The following SUGCT variants were observed in gnomAD, a reference collection of about 807,000 sequenced individuals.
The protein encoded by SUGCT is succinyl-CoA:glutarate CoA-transferase.
A neutral mutation model predicts 55.0 loss-of-function variants in SUGCT; 41 were observed. That is an observed-to-expected ratio of 0.74 (90% CI 0.58 to 0.97). The LOEUF (loss-of-function observed/expected upper bound fraction) is 0.97. SUGCT is among the 50% of genes least tolerant of loss of function. The pLI, the probability that SUGCT is intolerant of heterozygous loss-of-function variation, is 0.00. For missense variants in SUGCT, 568 were observed against 547.8 expected (o/e 1.04, Z -0.37); for synonymous variants, 187 against 200.4 (o/e 0.93, Z 0.56).
At chr7:40,950,998 CT>C in the SUGCT span, among the ~76,000 whole-genome samples, 1 of 152,192 alleles carries the variant, frequency 6.6e-6, no homozygotes, top group African/African-American at 2.4e-5. Context: ...AGGATTCCCT[CT>C]TTTCCTACTG....
intron 13 of SUGCT, among the ~76,000 whole-genome samples, chr7:40,847,586 T>G (rs1209264385): frequency 6.6e-6 from 1 of 151,898 alleles, no homozygotes; most frequent in Non-Finnish European, 1.5e-5. Flanking sequence ...CTGGCTAATT[T>G]TTGTATTTTT....
the SUGCT span, among the ~76,000 whole-genome samples, chr7:40,971,521 G>A: frequency 6.6e-6 from 1 of 152,186 alleles, no homozygotes. Context: ...GATTTAAAAG[G>A]GGTTTATGCA....
the SUGCT span, among the ~76,000 whole-genome samples, chr7:41,029,922 G>A: frequency 6.6e-6 from 1 of 151,904 alleles, no homozygotes; most frequent in Non-Finnish European, 1.5e-5. Context: ...CTCATCTCTC[G>A]CCTCCCCAAC....
At chr7:40,839,864 G>A (rs1482717881) in intron 13 of SUGCT, among the ~76,000 whole-genome samples, 1 of 152,070 alleles carries the variant, frequency 6.6e-6, no homozygotes, top group Non-Finnish European at 1.5e-5. Context: ...CCAGACCAGT[G>A]ATGTGCCAGT....
chr7:40,564,036 T>C (rs1484192796), intron 12 of SUGCT, among the ~76,000 whole-genome samples: 1 of 152,188 alleles, frequency 6.6e-6, no homozygotes, highest in South Asian at 2.1e-4. Context: ...AAACGTTTCT[T>C]ATCTTTGGGT....
chr7:40,874,265 T>C, the SUGCT span, among the ~76,000 whole-genome samples: 1 of 152,170 alleles, frequency 6.6e-6, no homozygotes, highest in Non-Finnish European at 1.5e-5. Context: ...CTATACCTTG[T>C]GAAGATGGCC....
intron 9 of SUGCT, among the ~76,000 whole-genome samples, chr7:40,323,471 C>T (rs1322522730): frequency 6.6e-6 from 1 of 152,124 alleles, no homozygotes; most frequent in Non-Finnish European, 1.5e-5. Flanking sequence ...GATCATAGCA[C>T]ATTGCAGCCT....
intron 11 of SUGCT, among the ~76,000 whole-genome samples, chr7:40,479,271 C>G (rs1209767429): frequency 6.6e-6 from 1 of 152,102 alleles, no homozygotes; most frequent in Non-Finnish European, 1.5e-5. Context: ...GTGTTTCAAT[C>G]AATGACAGTC....
At chr7:40,376,386 C>CT (rs547056360) in intron 9 of SUGCT, among the ~76,000 whole-genome samples, 39 of 147,492 alleles carry the variant, frequency 2.6e-4, no homozygotes, top group South Asian at 8.6e-4. Context: ...TCTAATGTAT[C>CT]TTTTTTTTTT....
intron 13 of SUGCT, among the ~76,000 whole-genome samples, chr7:40,853,076 CAAA>C (rs60985337): frequency 3.2e-5 from 3 of 95,180 alleles, no homozygotes; most frequent in Non-Finnish European, 2.2e-5. Context: ...CACAACACTT[CAAA>C]AAAAAAAAAA....
chr7:40,801,066 C>A (rs1563013033), intron 13 of SUGCT, among the ~76,000 whole-genome samples: 1 of 152,124 alleles, frequency 6.6e-6, no homozygotes, highest in Non-Finnish European at 1.5e-5. Flanking sequence ...TAATGTGAAC[C>A]AGATCAACTT....
chr7:40,334,515 T>C (rs1308331539), intron 9 of SUGCT, among the ~76,000 whole-genome samples: 2 of 152,234 alleles, frequency 1.3e-5, no homozygotes, highest in Non-Finnish European at 2.9e-5. Flanking sequence ...ATGCTGAGCA[T>C]TTTTTCATGT....
the SUGCT span, among the ~76,000 whole-genome samples, chr7:40,903,571 T>C: frequency 6.6e-6 from 1 of 152,100 alleles, no homozygotes; most frequent in South Asian, 2.1e-4. Flanking sequence ...AGGCCTGCCT[T>C]TTGGTTATAT....
chr7:40,934,415 G>T, the SUGCT span, among the ~76,000 whole-genome samples: 1 of 152,226 alleles, frequency 6.6e-6, no homozygotes, highest in Non-Finnish European at 1.5e-5. Flanking sequence ...ATTTGAGGAG[G>T]CAGTGTGTCC....
At chr7:40,873,028 T>A in the SUGCT span, among the ~76,000 whole-genome samples, 4 of 152,064 alleles carry the variant, frequency 2.6e-5, no homozygotes, top group African/African-American at 9.7e-5. Flanking sequence ...GATCAGAACA[T>A]AACAGTAACG....
intron 9 of SUGCT, among the ~76,000 whole-genome samples, chr7:40,360,173 C>A (rs2151219575): frequency 6.6e-6 from 1 of 152,290 alleles, no homozygotes; most frequent in East Asian, 1.9e-4. Context: ...GCCACCACAC[C>A]TGGCTAATTT....
intron 12 of SUGCT, among the ~76,000 whole-genome samples, chr7:40,652,637 T>C (rs1398648140): frequency 6.6e-6 from 1 of 152,238 alleles, no homozygotes; most frequent in Non-Finnish European, 1.5e-5. Context: ...ATATTAGTTT[T>C]AGGTTTATTT....
At chr7:40,495,010 A>G (rs939213163) in intron 11 of SUGCT, among the ~76,000 whole-genome samples, 6 of 152,006 alleles carry the variant, frequency 3.9e-5, no homozygotes, top group East Asian at 1.9e-4. Context: ...TCCTGGGTTC[A>G]AGGGATTCTC....
At chr7:40,592,941 G>T (rs1176683611) in intron 12 of SUGCT, among the ~76,000 whole-genome samples, 1 of 152,142 alleles carries the variant, frequency 6.6e-6, no homozygotes, top group African/African-American at 2.4e-5. Context: ...GCATCAAAAG[G>T]CTGTCTAAAG....
Sources: gnomAD v4.1 joint callset for allele counts (sites outside exome capture counted in the v4.1 genomes callset) on GRCh38, gnomAD v4.1.1 for gene constraint, MANE v1.5 for transcripts, NCBI Gene and HGNC (gene_info 2026-07-23, HGNC 2026-07-21) for gene names.